NEBL: variants seen among roughly 807,000 people sequenced by gnomAD.
NEBL encodes LIM and SH3 protein 2.
NEBL carries 122 observed loss-of-function variants against 140.2 expected under a neutral mutation model. That is an observed-to-expected ratio of 0.87 (90% CI 0.75 to 1.01). NEBL has a LOEUF of 1.01. Ranked by LOEUF, NEBL falls within the 50% of genes least tolerant of loss-of-function variation. NEBL has a pLI of 0.00. For synonymous variants in NEBL, 436 were observed against 398.9 expected (o/e 1.09, Z -1.11); for missense variants, 1,365 against 1,231.3 (o/e 1.11, Z -1.62).
chr10:21,063,202 T>C (rs1292504671), intron 2 of NEBL, among the ~76,000 whole-genome samples: 2 of 152,062 alleles, frequency 1.3e-5, no homozygotes, highest in Non-Finnish European at 2.9e-5. Context: ...CACACGCAGT[T>C]CCGATCTTGC....
chr10:21,234,106 G>A (rs1389886953), intron 3 of NEBL, among the ~76,000 whole-genome samples: 1 of 151,612 alleles, frequency 6.6e-6, no homozygotes, highest in African/African-American at 2.4e-5. Flanking sequence ...GGACTGGACT[G>A]GACTGGACTG....
At chr10:20,934,165 C>G (rs1363728628) in intron 4 of NEBL, among the ~76,000 whole-genome samples, 7 of 152,170 alleles carry the variant, frequency 4.6e-5, no homozygotes, top group Non-Finnish European at 8.8e-5. Context: ...ACTTCACAGA[C>G]AGGTCTACGG....
intron 2 of NEBL, among the ~76,000 whole-genome samples, chr10:21,122,563 C>T (rs557213541): frequency 6.6e-6 from 1 of 152,074 alleles, no homozygotes; most frequent in Non-Finnish European, 1.5e-5. Flanking sequence ...TAAAGATGTA[C>T]AGATATGCAG....
At chr10:21,040,704 TCC>T (rs1304495970) in intron 2 of NEBL, among the ~76,000 whole-genome samples, 2 of 152,026 alleles carry the variant, frequency 1.3e-5, no homozygotes, top group Non-Finnish European at 2.9e-5. Flanking sequence ...TGGATTTGTG[TCC>T]CCACCCAAAT....
rs186940233 is a variant in NEBL at position 21,061,809 on chromosome 10, G to A, written c.165-41608C>T. On this transcript the variant is annotated intron_variant, in intron 2 of 6. Coordinates refer to the NEBL transcript ENST00000417816. ...CCTAAATAATATGACTGCTTGGCAG[G>A]GGTTTCTCCCCTGCAGTGATTGTAC... Among the ~76,000 whole-genome samples, 262 of 152,228 alleles carry A rather than the reference G, an allele frequency of 1.7e-3. 4 individuals are homozygous for A. The highest frequency in any genetic ancestry group is 1.3e-4 in the Non-Finnish European group (9 of 68,024).
chr10:21,236,694 G>T (rs758129683), intron 3 of NEBL, among the ~76,000 whole-genome samples: 2 of 151,976 alleles, frequency 1.3e-5, no homozygotes, highest in Non-Finnish European at 2.9e-5. Flanking sequence ...TTTCCCCATG[G>T]CCTATCAAAT....
chr10:20,876,602 C>A (rs1175804255), intron 5 of NEBL, among the ~76,000 whole-genome samples: 2 of 152,172 alleles, frequency 1.3e-5, no homozygotes, highest in Non-Finnish European at 2.9e-5. Context: ...GTAAGTCTTT[C>A]ATTTCCCACG....
At chr10:20,845,128 A>T in intron 12 of NEBL, 130 bp downstream of exon 12, 2 of 622,092 alleles carry the variant, frequency 3.2e-6, no homozygotes, top group Middle Eastern at 4.3e-4. Flanking sequence ...ATTAGTGAAG[A>T]TCAAAGTGAA....
intron 3 of NEBL, among the ~76,000 whole-genome samples, chr10:21,194,200 G>A (rs1007488793): frequency 6.6e-6 from 1 of 151,972 alleles, no homozygotes; most frequent in Non-Finnish European, 1.5e-5. Flanking sequence ...TCGAACTTCT[G>A]GCCCCAAGTG....
chr10:21,269,952 TGAG>T (rs1346298449), intron 1 of NEBL, among the ~76,000 whole-genome samples: 2 of 152,342 alleles, frequency 1.3e-5, no homozygotes, highest in Admixed American at 6.5e-5. Flanking sequence ...GAAAGAAATT[TGAG>T]GAGTTCTTTG....
chr10:20,882,702 G>A (rs1047154722), intron 4 of NEBL, among the ~76,000 whole-genome samples: 54 of 151,634 alleles, frequency 3.6e-4, no homozygotes, highest in South Asian at 4.2e-4. Flanking sequence ...GTGATAAGTC[G>A]GATTTTTACA....
At chr10:20,906,520 A>G (rs961697951) in intron 4 of NEBL, among the ~76,000 whole-genome samples, 7 of 152,186 alleles carry the variant, frequency 4.6e-5, no homozygotes, top group Non-Finnish European at 1.0e-4. Flanking sequence ...TCATTAAAAC[A>G]GCTATGAAGT....
intron 2 of NEBL, among the ~76,000 whole-genome samples, chr10:21,121,062 G>A (rs1171536686): frequency 2.0e-5 from 3 of 152,074 alleles, no homozygotes; most frequent in Non-Finnish European, 4.4e-5. Flanking sequence ...GGGAACATTG[G>A]TCCTGACTGA....
intron 4 of NEBL, among the ~76,000 whole-genome samples, chr10:20,939,581 A>G (rs1453865431): frequency 6.6e-6 from 1 of 152,184 alleles, no homozygotes; most frequent in East Asian, 1.9e-4. Flanking sequence ...TTCACACATA[A>G]CAATATTAAC....
chr10:20,974,566 T>C (rs998659463), intron 3 of NEBL, among the ~76,000 whole-genome samples: 1 of 152,172 alleles, frequency 6.6e-6, no homozygotes, highest in Non-Finnish European at 1.5e-5. Flanking sequence ...GTAATTTAAA[T>C]AAAAATATAT....
Position 20,835,588 on chromosome 10 carries a change from T to G in NEBL, c.1374A>C (p.Lys458Asn). The G allele has an allele frequency of 6.2e-7, 1 of 1,612,200 alleles. No individual in the cohort carries two copies. The highest frequency in any genetic ancestry group is 1.1e-5 in the South Asian group (1 of 91,076). ...EYKKDLESII[K>N]GKGMQAGTDT... ...CAGTGCCAGCTTGCATTCCTTTCCC[T>G]TTAATTATTGACTCCAGGTCTTTCT... Residue 458 changes from lysine to asparagine, a missense_variant, in exon 14 of 28, where the codon AAA becomes AAC. By Grantham distance (94) the Lys-to-Asn change is moderately conservative. Transcript: ENST00000377122.
intron 7 of NEBL, among the ~76,000 whole-genome samples, chr10:20,863,291 C>A (rs142522957): frequency 6.6e-6 from 1 of 152,124 alleles, no homozygotes; most frequent in South Asian, 2.1e-4. Context: ...GACTCAGAAT[C>A]GCAAAAAGCC....
intron 19 of NEBL, among the ~76,000 whole-genome samples, chr10:20,820,637 C>A (rs548071914): frequency 6.6e-6 from 1 of 152,188 alleles, no homozygotes; most frequent in African/African-American, 2.4e-5. Context: ...ACCAGCCTGA[C>A]CAACATGGTG....
chr10:20,780,010 C>T lies in NEBL; in HGVS notation c.*5737G>A, dbSNP rs567482009. 1.2e-4 allele frequency: 19 copies of T among 152,148 alleles called. No homozygotes were observed. Among genetic ancestry groups the T allele is most frequent in the Admixed American group, 6.5e-4 (10 of 15,272 alleles). The allele number at this position is 152,148 out of a possible 1,614,324, so 9.4% of individuals were successfully genotyped here. A position where few individuals can be genotyped will look rare whatever the true frequency, so the allele number is the denominator to read the frequency against. On this transcript the variant is annotated 3_prime_UTR_variant, in exon 28 of 28. Transcript: ENST00000377122. ...GTTTATTCTACGAGCAGATGTCATC[C>T]GCAAAGTTTATCAATTTACAATTAG... is the stretch of plus-strand genomic sequence containing the variant.
Sources: allele counts gnomAD v4.1 joint callset (sites outside exome capture counted in the v4.1 genomes callset), GRCh38; gene constraint gnomAD v4.1.1; transcripts MANE v1.5; gene names NCBI Gene and HGNC (gene_info 2026-07-23, HGNC 2026-07-21).